DGKI: variants seen among roughly 807,000 people sequenced by gnomAD.
The protein encoded by DGKI is DAG kinase iota.
DGKI carries 55 observed loss-of-function variants against 147.5 expected under a neutral mutation model. That is an observed-to-expected ratio of 0.37 (90% CI 0.30 to 0.47). The LOEUF is 0.47. Ranked by LOEUF, DGKI falls within the 20% of genes least tolerant of loss-of-function variation. DGKI has a pLI of 1.00. For missense variants in DGKI, 1,007 were observed against 1,323.8 expected (o/e 0.76, Z 3.71); for synonymous variants, 469 against 477.1 (o/e 0.98, Z 0.22).
chr7:137,761,159 T>C (rs1795845375), intron 1 of DGKI, among the ~76,000 whole-genome samples: 1 of 152,214 alleles, frequency 6.6e-6, no homozygotes, highest in Admixed American at 6.5e-5. Flanking sequence ...CACTGCACGG[T>C]GGTTTGCTTC....
intron 30 of DGKI, among the ~76,000 whole-genome samples, chr7:137,404,859 A>C (rs1811883787): frequency 6.6e-6 from 1 of 152,008 alleles, no homozygotes; most frequent in Non-Finnish European, 1.5e-5. Flanking sequence ...ATGCGGGGTG[A>C]TGAGAAACTG....
intron 1 of DGKI, among the ~76,000 whole-genome samples, chr7:137,716,307 G>C (rs929100370): frequency 3.9e-5 from 6 of 152,184 alleles, no homozygotes; most frequent in African/African-American, 1.4e-4. Context: ...AATAAAAACT[G>C]CAAGAAAGGC....
At chr7:137,397,838 G>C (rs1056765978) in intron 30 of DGKI, among the ~76,000 whole-genome samples, 1 of 152,168 alleles carries the variant, frequency 6.6e-6, no homozygotes, top group Non-Finnish European at 1.5e-5. Context: ...GATACTATAC[G>C]TATCATCTAG....
chr7:137,720,694 T>A (rs1227744483), intron 1 of DGKI, among the ~76,000 whole-genome samples: 1 of 152,194 alleles, frequency 6.6e-6, no homozygotes, highest in Non-Finnish European at 1.5e-5. Flanking sequence ...GCTTAAATTT[T>A]TATTGTTTCA....
chr7:137,519,318 C>G (rs932708929), intron 21 of DGKI, among the ~76,000 whole-genome samples: 9 of 152,032 alleles, frequency 5.9e-5, no homozygotes, highest in African/African-American at 7.2e-5. Context: ...AGGTGACAAA[C>G]ATGCGAGCTT....
At chr7:137,425,634 C>G (rs1344104498) in intron 28 of DGKI, among the ~76,000 whole-genome samples, 1 of 152,030 alleles carries the variant, frequency 6.6e-6, no homozygotes, top group Non-Finnish European at 1.5e-5. Context: ...CAAAGGCAAA[C>G]AAGTTAAAAA....
intron 20 of DGKI, among the ~76,000 whole-genome samples, chr7:137,541,024 T>C (rs1817683216): frequency 6.6e-6 from 1 of 152,142 alleles, no homozygotes; most frequent in African/African-American, 2.4e-5. Context: ...TTTGGAGACA[T>C]AGGCAAGCTG....
At chr7:137,490,860 G>T (rs1198173727) in intron 21 of DGKI, among the ~76,000 whole-genome samples, 2 of 152,142 alleles carry the variant, frequency 1.3e-5, no homozygotes, top group African/African-American at 4.8e-5. Flanking sequence ...CTTCACAATG[G>T]AACTTTTATT....
chr7:137,642,342 T>C (rs1481608177), intron 6 of DGKI, among the ~76,000 whole-genome samples: 3 of 152,150 alleles, frequency 2.0e-5, no homozygotes, highest in Admixed American at 6.5e-5. Flanking sequence ...TGACTGAAAG[T>C]TGCAGCTCCT....
Position 137,507,668 on chromosome 7 carries a change from G to A in DGKI, c.2248+14198C>T, listed in dbSNP as rs143283859. ...AGCAAACGGGTTTTAAGGACTTTCT[G>A]GTGCTGGGGACAACTCTAGTGTCAG... On this transcript the variant is annotated intron_variant, in intron 21 of 32. Transcript: ENST00000614521. Among the ~76,000 whole-genome samples, 20 of 152,264 alleles carry A rather than the reference G, an allele frequency of 1.3e-4. No individual in the cohort carries two copies. In the East Asian group the frequency reaches 3.7e-3, roughly 28 times the overall value.
rs1217621837 is a variant in DGKI, at chr7:137,384,135, A to G, written c.*7085T>C. ...TTTTGTTGCAGCATTCAGAAATTATATCATCCTAATAGTGACTTCAAAGGA... is the reference window on the plus strand; with the variant it reads ...TTTTGTTGCAGCATTCAGAAATTATGTCATCCTAATAGTGACTTCAAAGGA... On this transcript the variant is annotated 3_prime_UTR_variant, in exon 33 of 33. Coordinates refer to ENST00000614521, the MANE Select transcript of DGKI (RefSeq NM_001321708.2). 1 of 152,100 alleles carries G rather than the reference A, an allele frequency of 6.6e-6. No homozygotes were observed. Among genetic ancestry groups the G allele is most frequent in the Non-Finnish European group, 1.5e-5 (1 of 67,964 alleles). 9.4% of individuals were successfully genotyped at this position (152,100 alleles called of 1,614,324 possible).
intron 5 of DGKI, among the ~76,000 whole-genome samples, chr7:137,647,021 A>C (rs1372773420): frequency 6.6e-6 from 1 of 152,208 alleles, no homozygotes; most frequent in East Asian, 1.9e-4. Context: ...ATGGTCCCAC[A>C]ATTTAGTCTA....
chr7:137,602,698 G>A (rs895933275), intron 10 of DGKI, among the ~76,000 whole-genome samples: 5 of 152,108 alleles, frequency 3.3e-5, no homozygotes, highest in African/African-American at 7.2e-5. Flanking sequence ...TTTATTAAAT[G>A]TAACTGAATG....
intron 1 of DGKI, chr7:137,774,706 G>A (rs538735103): frequency 6.6e-6 from 1 of 152,282 alleles, no homozygotes; most frequent in East Asian, 1.9e-4. Context: ...CCTCCAAAGA[G>A]ACCACCTGAT....
At chr7:137,606,951 C>T (rs567130841) in intron 10 of DGKI, among the ~76,000 whole-genome samples, 5 of 152,274 alleles carry the variant, frequency 3.3e-5, no homozygotes, top group Admixed American at 2.0e-4. Flanking sequence ...ACAGTGAAGA[C>T]GCACATAGAG....
intron 7 of DGKI, among the ~76,000 whole-genome samples, chr7:137,620,292 G>A (rs1050327795): frequency 1.3e-5 from 2 of 152,154 alleles, no homozygotes; most frequent in Non-Finnish European, 2.9e-5. Context: ...AAGTTTTAGA[G>A]TCTTGGAGGG....
chr7:137,764,535 G>C (rs2085596016), intron 1 of DGKI, among the ~76,000 whole-genome samples: 1 of 152,122 alleles, frequency 6.6e-6, no homozygotes, highest in South Asian at 2.1e-4. Flanking sequence ...GTCCACAAGA[G>C]AAGTTCATTC....
chr7:137,506,121 G>A (rs1004275486), intron 21 of DGKI, among the ~76,000 whole-genome samples: 2 of 152,214 alleles, frequency 1.3e-5, no homozygotes, highest in African/African-American at 4.8e-5. Flanking sequence ...ACCCAATGGA[G>A]TTGAAAATTA....
intron 32 of DGKI, 96 bp from the exon 33 acceptor site, chr7:137,391,432 A>C: frequency 5.8e-6 from 5 of 857,786 alleles, no homozygotes; most frequent in Non-Finnish European, 7.3e-6. Context: ...CAAAACAAAA[A>C]TCACAGAAAC....
Sources: gnomAD v4.1 joint callset for allele counts (sites outside exome capture counted in the v4.1 genomes callset) on GRCh38, gnomAD v4.1.1 for gene constraint, MANE v1.5 for transcripts, NCBI Gene and HGNC (gene_info 2026-07-23, HGNC 2026-07-21) for gene names.